Variants in TTN observed in about 807,000 individuals in gnomAD.
TTN encodes the protein connectin.
Under a neutral mutation model 3,223.0 loss-of-function variants are expected in TTN, and 1,525 were observed. The observed-to-expected ratio is 0.47, with a 90% CI of 0.45 to 0.49. The LOEUF (loss-of-function observed/expected upper bound fraction) is 0.49. TTN is among the 20% of genes least tolerant of loss of function. TTN has a pLI of 0.00. For synonymous variants in TTN, 14,094 were observed against 15,161.0 expected (o/e 0.93, Z 5.17); for missense variants, 40,786 against 43,424.0 (o/e 0.94, Z 5.40).
intron 37 of TTN, 40 bp from the exon 38 acceptor site, chr2:178,768,973 C>G (rs371874637): frequency 1.2e-6 from 2 of 1,608,306 alleles, no homozygotes; most frequent in African/African-American, 1.3e-5. Flanking sequence ...GGAGACTTTA[C>G]GTAAATATGA....
At position 178,612,325 on chromosome 2, in the gene TTN, T is replaced by C. The variant is rs1227059346; in HGVS notation, c.50200A>G (p.Ser16734Gly). Residue 16734 changes from serine (S) to glycine (G), a missense_variant, in exon 266 of 363, where the codon AGC (serine) becomes GGC (glycine). By Grantham distance (56) the Ser-to-Gly change is moderately conservative. Coordinates refer to ENST00000589042, the MANE Select transcript of TTN (RefSeq NM_001267550.2). ...GAGTCCTCAATTTCGGTGTAGTCGC[T>C]TTGTCCTATAGCATTTTCTGCAGCA... is the stretch of plus-strand genomic sequence containing the variant. The part of the protein sequence containing the change: ...RVAAENAIGQ[S>G]DYTEIEDSVL... 1 of 1,612,418 alleles carries C rather than the reference T, an allele frequency of 6.2e-7. No homozygotes were observed. The highest frequency in any genetic ancestry group is 8.5e-7 in the Non-Finnish European group (1 of 1,179,186).
In TTN at chr2:178,562,965, C is replaced by T; in HGVS notation, c.83167G>A (p.Glu27723Lys). Residue 27723 changes from glutamate to lysine, a missense_variant, in exon 326 of 363, where the codon GAG (glutamate) becomes AAG (lysine). Glu to Lys is a moderately conservative substitution (Grantham distance 56). Coordinates refer to ENST00000589042, the MANE Select transcript of TTN (RefSeq NM_001267550.2). ...AACATTGTAAATGAGCTGGTCACCT[C>T]TATCTGAGCCCTGTCAGTGAGAATG... Reference protein sequence around the residue: ...EGILTDRAQIEVTSSFTMLVI... With the variant: ...EGILTDRAQIKVTSSFTMLVI... The T allele has an allele frequency of 6.2e-7, 1 of 1,613,700 alleles. No homozygotes were observed. Among genetic ancestry groups the T allele is most frequent in the Non-Finnish European group, 8.5e-7 (1 of 1,179,730 alleles).
chr2:178,653,308 G>T lies in TTN; in HGVS notation c.38721C>A (p.Pro12907=). The T allele has an allele frequency of 1.2e-6, 2 of 1,612,360 alleles. No homozygotes were observed. Among genetic ancestry groups the T allele is most frequent in the Non-Finnish European group, 1.7e-6 (2 of 1,179,514 alleles). Residue 12907 remains proline (P), a synonymous_variant, in exon 198 of 363, where the codon CCC becomes CCA. Transcript: ENST00000589042. ...CTTTCTTTTCAAGGACAACTTCTTTGGGAGCCTCTGGCACTTAAAAGATAT... is the reference window on the plus strand; with the variant it reads ...CTTTCTTTTCAAGGACAACTTCTTTTGGAGCCTCTGGCACTTAAAAGATAT... ...EVPPVTVPEA[P]KEVVLEKKVP... is the part of the protein sequence containing the mutation.
intron 224 of TTN, among the ~76,000 whole-genome samples, 153 bp downstream of exon 224, chr2:178,637,216 A>G (rs1031545605): frequency 3.8e-5 from 5 of 132,666 alleles, no homozygotes; most frequent in African/African-American, 8.3e-5. Context: ...TAAAAGTATT[A>G]TTTGAAATAT....
chr2:178,540,183 A>C lies in TTN; in HGVS notation c.97983T>G (p.Thr32661=), dbSNP rs774412007. The C allele has an allele frequency of 1.2e-6, 2 of 1,613,842 alleles. No homozygotes were observed. Among genetic ancestry groups the C allele is most frequent in the Non-Finnish European group, 1.7e-6 (2 of 1,179,788 alleles). ...CTGCACCCTGAGGTAGGTGTGTTAGAGTATACTCTCGAATCTTGGTTGGAG... is the reference window on the plus strand; with the variant it reads ...CTGCACCCTGAGGTAGGTGTGTTAGCGTATACTCTCGAATCTTGGTTGGAG... ...NTTPTKIREY[T]LTHLPQGAEY... Residue 32661 remains threonine, a synonymous_variant, in exon 351 of 363, where the codon ACT becomes ACG. Transcript: ENST00000589042.
intron 208 of TTN, 42 bp downstream of exon 208, chr2:178,651,201 A>C (rs2062887281): frequency 6.5e-7 from 1 of 1,527,886 alleles, no homozygotes; most frequent in African/African-American, 1.4e-5. Flanking sequence ...TTATTAGACA[A>C]GGGTGAGTGC....
At chr2:178,723,778 T>A in intron 73 of TTN, 78 bp downstream of exon 73, 1 of 1,535,352 alleles carries the variant, frequency 6.5e-7, no homozygotes, top group Non-Finnish European at 8.7e-7. Flanking sequence ...TAGAGCACTT[T>A]CAAATGTTTG....
chr2:178,586,619 C>A lies in TTN; in HGVS notation c.64282G>T (p.Val21428Phe). The A allele has an allele frequency of 6.2e-7, 1 of 1,613,174 alleles. No individual in the cohort carries two copies. Among genetic ancestry groups the A allele is most frequent in the Non-Finnish European group, 8.5e-7 (1 of 1,179,422 alleles). Residue 21428 changes from valine (V) to phenylalanine (F), a missense_variant, in exon 308 of 363, where the codon GTC becomes TTC. Coordinates refer to ENST00000589042, the MANE Select transcript of TTN (RefSeq NM_001267550.2). ...YSVVKDLSLV[V>F]TGLKEGKKYK... Reference sequence around the variant, plus strand: ...TTCTTTCCTTCCTTTAGGCCAGTGACAACAAGGCTCAGATCTTTTACCACT... The same window carrying A: ...TTCTTTCCTTCCTTTAGGCCAGTGAAAACAAGGCTCAGATCTTTTACCACT...
At chr2:178,596,448 G>A (rs2051642473) in intron 294 of TTN, among the ~76,000 whole-genome samples, 1 of 152,020 alleles carries the variant, frequency 6.6e-6, no homozygotes, top group Non-Finnish European at 1.5e-5. Flanking sequence ...AGATGGGTAA[G>A]AGTGGCATAG....
At chr2:178,797,449 T>C (rs1472180881) in intron 6 of TTN, among the ~76,000 whole-genome samples, 5 of 152,186 alleles carry the variant, frequency 3.3e-5, no homozygotes, top group African/African-American at 7.2e-5. Context: ...TTTTTTTGTG[T>C]TGCATTTTTT....
chr2:178,684,786 T>C (rs1023246355), intron 130 of TTN, 37 bp from the exon 131 acceptor site: 1 of 1,585,372 alleles, frequency 6.3e-7, no homozygotes, highest in East Asian at 2.3e-5. Flanking sequence ...AAACATACGA[T>C]ATGGAAAACA....
In TTN at chr2:178,536,055, A is replaced by G; in HGVS notation, c.100692T>C (p.Asp33564=). 1 of 1,597,780 alleles carries G rather than the reference A, an allele frequency of 6.3e-7. No homozygotes were observed. Among genetic ancestry groups the G allele is most frequent in the Non-Finnish European group, 8.5e-7 (1 of 1,169,628 alleles). Residue 33564 remains aspartate (D), a synonymous_variant, in exon 357 of 363, where the codon GAT becomes GAC. Coordinates refer to ENST00000589042, the MANE Select transcript of TTN (RefSeq NM_001267550.2). Reference sequence around the variant, plus strand: ...TAGCTCTGACTTGGTAAACTGTGGCATCATCATCTGTGACACTTGCAATGA... The same window carrying G: ...TAGCTCTGACTTGGTAAACTGTGGCGTCATCATCTGTGACACTTGCAATGA... ...QLIIASVTDD[D]ATVYQVRATN...
Position 178,527,438 on chromosome 2 carries a change from T to C in TTN, c.107680+8A>G, listed in dbSNP as rs759524729. 6.2e-7 allele frequency: 1 copy of C among 1,608,130 alleles called. No homozygotes were observed. Among genetic ancestry groups the C allele is most frequent in the South Asian group, 1.1e-5 (1 of 90,870 alleles). ...TTGTCTACCTCTACCAGTAATTTTATTGCTCACCTCTTATGCCTGCTTTAA... is the reference window on the plus strand; with the variant it reads ...TTGTCTACCTCTACCAGTAATTTTACTGCTCACCTCTTATGCCTGCTTTAA... On this transcript the variant is annotated splice_region_variant and intron_variant, in intron 362 of 362. Transcript: ENST00000589042.
intron 37 of TTN, among the ~76,000 whole-genome samples, chr2:178,769,254 T>A (rs962158627): frequency 2.0e-5 from 3 of 151,392 alleles, no homozygotes; most frequent in African/African-American, 7.3e-5. Context: ...AATTAACAAT[T>A]TTTTTTCTTT....
intron 103 of TTN, 45 bp downstream of exon 103, chr2:178,705,129 T>C (rs565512641): frequency 1.3e-6 from 2 of 1,599,214 alleles, no homozygotes; most frequent in African/African-American, 1.3e-5. Flanking sequence ...TGAGATGTTT[T>C]AAATGTGACT....
At chr2:178,651,635 T>C (rs2062989034) in intron 206 of TTN, 31 bp downstream of exon 206, 1 of 1,612,588 alleles carries the variant, frequency 6.2e-7, no homozygotes, top group Non-Finnish European at 8.5e-7. Flanking sequence ...AGAAAGTTTT[T>C]TGTTAGGGAG....
chr2:178,759,213 GA>G (rs777356961), intron 43 of TTN, 41 bp from the exon 44 acceptor site: 17 of 1,602,140 alleles, frequency 1.1e-5, no homozygotes, highest in Non-Finnish European at 7.7e-6. Flanking sequence ...CCACAAAAAT[GA>G]GTGGATTTTT....
At chr2:178,751,074 G>A (rs771470504) in intron 47 of TTN, 4 of 1,612,800 alleles carry the variant, frequency 2.5e-6, no homozygotes, top group Middle Eastern at 1.7e-4. Flanking sequence ...TGATTAGAAA[G>A]GGCATGTGGA....
chr2:178,607,558 T>C lies in TTN; in HGVS notation c.53130A>G (p.Glu17710=), dbSNP rs749551895. 6.2e-7 allele frequency: 1 copy of C among 1,613,210 alleles called. No homozygotes were observed. The change falls in exon 277 of 363, where the codon GAA becomes GAG. Residue 17710 remains glutamate (E), a synonymous_variant. Coordinates refer to ENST00000589042, the MANE Select transcript of TTN (RefSeq NM_001267550.2). Reference sequence around the variant, plus strand: ...CAACACGGTCTTTATCCAGCTCCCCTTCTTCTTTGGTCCATACTTTTGTAG... The same window carrying C: ...CAACACGGTCTTTATCCAGCTCCCCCTCTTCTTTGGTCCATACTTTTGTAG... The part of the protein sequence containing the change: ...PVPTKVWTKE[E]GELDKDRVVI...
Sources: gnomAD v4.1 joint callset for allele counts (sites outside exome capture counted in the v4.1 genomes callset) on GRCh38, gnomAD v4.1.1 for gene constraint, MANE v1.5 for transcripts, NCBI Gene and HGNC (gene_info 2026-07-23, HGNC 2026-07-21) for gene names.